Variants in INPP4B observed in about 807,000 individuals in gnomAD.
INPP4B encodes inositol polyphosphate-4-phosphatase type II B.
INPP4B carries 55 observed loss-of-function variants against 122.5 expected under a neutral mutation model. The ratio of observed to expected loss-of-function variants is 0.45; its 90% CI spans 0.36 to 0.56. The LOEUF (loss-of-function observed/expected upper bound fraction) is 0.56, where lower values mean the gene tolerates loss of function less well. Ranked by LOEUF, INPP4B falls within the 20% of genes least tolerant of loss-of-function variation. INPP4B has a pLI of 0.00. For synonymous variants in INPP4B, 403 were observed against 388.7 expected, an observed-to-expected ratio of 1.04 and a Z score of -0.43; for missense variants, 1,000 against 1,097.7, an observed-to-expected ratio of 0.91 and a Z score of 1.26.
At chr4:142,798,575 C>CTCTTG (rs1777583099) in intron 1 of INPP4B, among the ~76,000 whole-genome samples, 1 of 151,706 alleles carries the variant, frequency 6.6e-6, no homozygotes, top group South Asian at 2.1e-4. Context: ...CATGTAAAGA[C>CTCTTG]TACAGAACAA....
chr4:142,078,303 G>A (rs1021524161), intron 25 of INPP4B, among the ~76,000 whole-genome samples: 2 of 151,944 alleles, frequency 1.3e-5, no homozygotes, highest in African/African-American at 4.8e-5. Flanking sequence ...TTTTGAATTA[G>A]AATAATAAGA....
At chr4:142,826,194 C>T (rs956157323) in intron 1 of INPP4B, among the ~76,000 whole-genome samples, 7 of 152,042 alleles carry the variant, frequency 4.6e-5, no homozygotes, top group Non-Finnish European at 1.0e-4. Context: ...AAAATTTGAA[C>T]ATGATGTATC....
chr4:142,748,285 T>C (rs943777829), intron 1 of INPP4B, among the ~76,000 whole-genome samples: 10 of 151,952 alleles, frequency 6.6e-5, no homozygotes, highest in Non-Finnish European at 1.3e-4. Flanking sequence ...TAAATGCCTA[T>C]CTATACTAGA....
intron 2 of INPP4B, among the ~76,000 whole-genome samples, chr4:142,679,228 G>C (rs1308448249): frequency 6.6e-6 from 1 of 151,840 alleles, no homozygotes; most frequent in Non-Finnish European, 1.5e-5. Flanking sequence ...TTGGAGGAAA[G>C]GGTCCTGCTG....
intron 2 of INPP4B, among the ~76,000 whole-genome samples, chr4:142,709,369 A>C (rs1459292038): frequency 6.6e-6 from 1 of 152,158 alleles, no homozygotes; most frequent in African/African-American, 2.4e-5. Flanking sequence ...TAAGAAGGAC[A>C]TGAGACTTAG....
intron 1 of INPP4B, among the ~76,000 whole-genome samples, chr4:142,734,745 G>A (rs331940): frequency 0.31 from 46,802 of 151,912 alleles, 7,419 homozygotes; most frequent in South Asian, 0.43. Flanking sequence ...TCCCGGGATC[G>A]AGCGATTCTC....
intron 17 of INPP4B, 95 bp downstream of exon 17, chr4:142,160,262 TC>T (rs1819447110): frequency 1.6e-5 from 15 of 921,298 alleles, no homozygotes; most frequent in South Asian, 1.2e-4. Flanking sequence ...TAACTTTTTT[TC>T]CATTTTTTAA....
intron 5 of INPP4B, among the ~76,000 whole-genome samples, chr4:142,412,748 A>AT (rs1384994479): frequency 4.0e-5 from 6 of 151,702 alleles, no homozygotes; most frequent in African/African-American, 1.5e-4. Context: ...CCTTCCTCTC[A>AT]TTTTAGCTTA....
At chr4:142,098,293 G>A (rs946594039) in intron 23 of INPP4B, among the ~76,000 whole-genome samples, 1 of 151,884 alleles carries the variant, frequency 6.6e-6, no homozygotes, top group Non-Finnish European at 1.5e-5. Context: ...TTGACTGTAT[G>A]GTGCCTTAGA....
Position 142,109,125 on chromosome 4 carries a change from CT to C in INPP4B, c.2277-936del, listed in dbSNP as rs1265896135. On this transcript the variant is annotated intron_variant, in intron 22 of 25. Coordinates refer to ENST00000262992, the MANE Select transcript of INPP4B (RefSeq NM_001101669.3). The stretch of plus-strand genomic sequence containing the variant: ...CCACTATTCCTCAGTCTTTTCCTAT[CT>C]CTGGTAACCCTTCCTTTTTTTTTTT... 5.8e-5 allele frequency among the ~76,000 whole-genome samples: 8 copies of C among 137,794 alleles called. No homozygotes were observed. In the East Asian group the frequency reaches 1.6e-3, roughly 27 times the overall value. The allele number at this position is 137,794 out of a possible 152,430, so 90.4% of individuals were successfully genotyped here. A position where few individuals can be genotyped will look rare whatever the true frequency, so the allele number is the denominator to read the frequency against.
intron 2 of INPP4B, among the ~76,000 whole-genome samples, chr4:142,554,188 CAAAAAAAAAAAAAAAAA>C (rs1361103890): frequency 2.1e-5 from 2 of 97,206 alleles, no homozygotes; most frequent in Non-Finnish European, 4.3e-5. Flanking sequence ...AACTCCATCT[CAAAAAAAAAAAAAAAAA>C]GAAAAAGAAA....
intron 1 of INPP4B, among the ~76,000 whole-genome samples, chr4:142,784,687 A>G (rs2151041165): frequency 6.6e-6 from 1 of 152,260 alleles, no homozygotes; most frequent in South Asian, 2.1e-4. Context: ...TACCTCCAGG[A>G]ACCCAAACAG....
intron 1 of INPP4B, among the ~76,000 whole-genome samples, chr4:142,811,349 G>T (rs1220722157): frequency 6.6e-6 from 1 of 152,126 alleles, no homozygotes; most frequent in East Asian, 1.9e-4. Flanking sequence ...AGTCTTCCTG[G>T]GCTCCAGCAC....
intron 25 of INPP4B, among the ~76,000 whole-genome samples, chr4:142,045,705 G>T (rs1466319460): frequency 6.6e-6 from 1 of 152,078 alleles, no homozygotes; most frequent in Admixed American, 6.6e-5. Context: ...AATTAAATAA[G>T]TTGGGAAATG....
At chr4:142,632,925 A>T (rs910066243) in intron 2 of INPP4B, among the ~76,000 whole-genome samples, 1 of 151,720 alleles carries the variant, frequency 6.6e-6, no homozygotes, top group African/African-American at 2.4e-5. Context: ...TTGAAAAAAA[A>T]ATTTTAAATA....
At chr4:142,292,848 T>A (rs1320816492) in intron 9 of INPP4B, among the ~76,000 whole-genome samples, 1 of 152,176 alleles carries the variant, frequency 6.6e-6, no homozygotes, top group Non-Finnish European at 1.5e-5. Flanking sequence ...GTTTTTCTTG[T>A]ATAATGTTTT....
chr4:142,747,085 A>G (rs1004764139), intron 1 of INPP4B, among the ~76,000 whole-genome samples: 3 of 152,208 alleles, frequency 2.0e-5, no homozygotes, highest in African/African-American at 7.2e-5. Context: ...GTGAACAGGC[A>G]ACCTAGAGAA....
chr4:142,530,398 C>T (rs995488564), intron 2 of INPP4B, among the ~76,000 whole-genome samples: 3 of 151,872 alleles, frequency 2.0e-5, no homozygotes, highest in African/African-American at 4.8e-5. Flanking sequence ...AGACACTATT[C>T]GTTAAGAACC....
intron 2 of INPP4B, among the ~76,000 whole-genome samples, chr4:142,564,136 C>T (rs1459403561): frequency 2.6e-5 from 4 of 152,160 alleles, no homozygotes; most frequent in African/African-American, 9.7e-5. Flanking sequence ...TTTGCTAAAA[C>T]TTTACTGAAT....
Sources: allele counts gnomAD v4.1 joint callset (sites outside exome capture counted in the v4.1 genomes callset), GRCh38; gene constraint gnomAD v4.1.1; transcripts MANE v1.5; gene names NCBI Gene and HGNC (gene_info 2026-07-23, HGNC 2026-07-21).